GNB4: variants seen among roughly 807,000 people sequenced by gnomAD.
GNB4 encodes the protein guanine nucleotide-binding protein subunit beta-4.
Under a neutral mutation model 45.2 loss-of-function variants are expected in GNB4, and 28 were observed. The ratio of observed to expected loss-of-function variants is 0.62; its 90% CI spans 0.46 to 0.85. GNB4 has a LOEUF of 0.85. Ranked by LOEUF, GNB4 falls within the 40% of genes least tolerant of loss-of-function variation. The pLI, the probability that GNB4 is intolerant of heterozygous loss-of-function variation, is 0.00. For missense variants in GNB4, 321 were observed against 425.4 expected (o/e 0.75, Z 2.16); for synonymous variants, 132 against 143.7 (o/e 0.92, Z 0.58).
At chr3:179,517,634 C>T in the GNB4 span, among the ~76,000 whole-genome samples, 2 of 152,158 alleles carry the variant, frequency 1.3e-5, no homozygotes, top group Non-Finnish European at 2.9e-5. Context: ...ATTGGGTAAG[C>T]GGCCTCTCTT....
At position 179,430,544 on chromosome 3, in the gene GNB4, C is replaced by G. The variant is rs143624620; in HGVS notation, c.-42-4302G>C. On this transcript the variant is annotated intron_variant, in intron 1 of 9. Coordinates refer to ENST00000232564, the MANE Select transcript of GNB4 (RefSeq NM_021629.4). ...CACAGCTCACTGTAACCTCAAACTC[C>G]TGAGCTCACCCAATTCTTCCACCTC... is the stretch of plus-strand genomic sequence containing the variant. Among the ~76,000 whole-genome samples, 1,498 of 152,202 alleles carry G rather than the reference C, an allele frequency of 9.8e-3. 17 individuals are homozygous for G. Among genetic ancestry groups the G allele is most frequent in the Middle Eastern group, 0.02 (6 of 294 alleles).
chr3:179,409,824 A>C (rs983049350), intron 8 of GNB4, among the ~76,000 whole-genome samples: 6 of 116,726 alleles, frequency 5.1e-5, no homozygotes, highest in Admixed American at 9.2e-5. Context: ...AAAAAACAAA[A>C]AAACAAAACA....
the GNB4 span, among the ~76,000 whole-genome samples, chr3:179,473,142 A>G: frequency 1.3e-5 from 2 of 150,934 alleles, no homozygotes; most frequent in Admixed American, 6.6e-5. Flanking sequence ...CAGCCTGGGC[A>G]ACAGAGTGAG....
chr3:179,445,034 A>T (rs1319094811), intron 1 of GNB4, among the ~76,000 whole-genome samples: 1 of 141,496 alleles, frequency 7.1e-6, no homozygotes, highest in Admixed American at 6.9e-5. Flanking sequence ...TGTTGCCATT[A>T]AAAAAAAAAA....
the GNB4 span, among the ~76,000 whole-genome samples, chr3:179,527,786 ATGTATGTGTGTGTGTGTGTG>A: frequency 1.6e-5 from 2 of 124,826 alleles, no homozygotes; most frequent in African/African-American, 6.3e-5. Flanking sequence ...GCGTGTGTGT[ATGTATGTGTGTGTGTGTGTG>A]TGTGTGTGTG....
chr3:179,454,566 A>G (rs552100207), upstream of GNB4, among the ~76,000 whole-genome samples: 1 of 152,296 alleles, frequency 6.6e-6, no homozygotes, highest in South Asian at 2.1e-4. Context: ...TGAATGCTGT[A>G]CTCAGTGAGC....
chr3:179,415,852 C>T (rs996128964), intron 5 of GNB4, among the ~76,000 whole-genome samples: 1 of 152,070 alleles, frequency 6.6e-6, no homozygotes, highest in African/African-American at 2.4e-5. Context: ...TTTAAAATCT[C>T]AATCAGGTTG....
At chr3:179,471,368 C>T in the GNB4 span, among the ~76,000 whole-genome samples, 1 of 152,126 alleles carries the variant, frequency 6.6e-6, no homozygotes, top group East Asian at 1.9e-4. Context: ...CTTTCAGTCC[C>T]GCAAGCCCCA....
At chr3:179,440,126 T>G (rs1012925219) in intron 1 of GNB4, among the ~76,000 whole-genome samples, 3 of 152,206 alleles carry the variant, frequency 2.0e-5, no homozygotes, top group Non-Finnish European at 4.4e-5. Flanking sequence ...CAGAAATCAT[T>G]AACAATTAAT....
the GNB4 span, among the ~76,000 whole-genome samples, chr3:179,468,143 A>G: frequency 2.0e-5 from 3 of 149,770 alleles, no homozygotes; most frequent in South Asian, 6.5e-4. Flanking sequence ...GGCTGCAGGG[A>G]GCTATAATTG....
intron 1 of GNB4, among the ~76,000 whole-genome samples, chr3:179,427,808 C>CA (rs1226296051): frequency 6.6e-6 from 1 of 152,050 alleles, no homozygotes; most frequent in Admixed American, 6.6e-5. Flanking sequence ...ATTACTACCT[C>CA]AAAAAGACAC....
chr3:179,434,070 A>G lies in GNB4; in HGVS notation c.-42-7828T>C, dbSNP rs560484460. 2.0e-5 allele frequency among the ~76,000 whole-genome samples: 3 copies of G among 152,362 alleles called. No individual in the cohort carries two copies. In the South Asian group the frequency reaches 6.2e-4, roughly 32 times the overall value. On this transcript the variant is annotated intron_variant, in intron 1 of 9. Transcript: ENST00000232564. ...GGAAGCAATTTGGCAACATCTAACA[A>G]AGGTGACGACACGTATCTTTCAACC...
At chr3:179,410,381 T>C (rs934715657) in intron 8 of GNB4, 23 of 152,324 alleles carry the variant, frequency 1.5e-4, no homozygotes, top group African/African-American at 5.3e-4. Context: ...GATATGTTCA[T>C]TGCTAAGGCT....
the GNB4 span, among the ~76,000 whole-genome samples, chr3:179,468,035 A>AAAAAAAAAAATATATATATATATATAT: frequency 9.0e-4 from 81 of 89,856 alleles, 1 homozygote; most frequent in African/African-American, 3.1e-3. Context: ...TGTTGATAAA[A>AAAAAAAAAAATATATATATATATATAT]ATATATATAT....
chr3:179,523,782 G>T, the GNB4 span, among the ~76,000 whole-genome samples: 136 of 152,020 alleles, frequency 8.9e-4, no homozygotes, highest in Admixed American at 1.6e-3. Context: ...GGGTTAAGGT[G>T]GGGGGGATAT....
the GNB4 span, among the ~76,000 whole-genome samples, chr3:179,525,924 G>A: frequency 3.3e-5 from 5 of 152,218 alleles, no homozygotes; most frequent in African/African-American, 1.2e-4. Flanking sequence ...CCGGTCTCCC[G>A]AAGGAGTCCT....
intron 5 of GNB4, among the ~76,000 whole-genome samples, chr3:179,415,708 A>G (rs1442712674): frequency 6.6e-6 from 1 of 152,224 alleles, no homozygotes; most frequent in Non-Finnish European, 1.5e-5. Context: ...GATTACTACT[A>G]TGCTCTCACT....
At chr3:179,409,828 C>A (rs9790081) in intron 8 of GNB4, among the ~76,000 whole-genome samples, 2,949 of 111,216 alleles carry the variant, frequency 0.027, 121 homozygotes, top group African/African-American at 0.098. Flanking sequence ...AACAAAAAAA[C>A]AAAACAAAAA....
the GNB4 span, among the ~76,000 whole-genome samples, chr3:179,471,369 G>A: frequency 3.3e-5 from 5 of 152,104 alleles, no homozygotes; most frequent in South Asian, 6.2e-4. Flanking sequence ...TTTCAGTCCC[G>A]CAAGCCCCAT....
Sources: allele counts gnomAD v4.1 joint callset (sites outside exome capture counted in the v4.1 genomes callset), GRCh38; gene constraint gnomAD v4.1.1; transcripts MANE v1.5; gene names NCBI Gene and HGNC (gene_info 2026-07-23, HGNC 2026-07-21).